Variants in PLEKHO1 observed in about 807,000 individuals in gnomAD.
The protein encoded by PLEKHO1 is pleckstrin homology domain containing O1, also known as pleckstrin homology domain-containing family O member 1.
PLEKHO1 carries 22 observed loss-of-function variants against 41.4 expected under a neutral mutation model. The ratio of observed to expected loss-of-function variants is 0.53; its 90% CI spans 0.38 to 0.76. PLEKHO1 has a LOEUF of 0.76. Among genes scored for constraint, PLEKHO1 ranks in the 30% least tolerant of loss-of-function variants. The pLI is 0.00. For missense variants in PLEKHO1, 488 were observed against 518.3 expected (o/e 0.94, Z 0.57); for synonymous variants, 225 against 210.8 (o/e 1.07, Z -0.58).
At chr1:150,156,300 C>T in intron 3 of PLEKHO1, 94 bp downstream of exon 3, 1 of 1,088,856 alleles carries the variant, frequency 9.2e-7, no homozygotes, top group Non-Finnish European at 1.3e-6. Flanking sequence ...TCTCAGCAAT[C>T]TTGGTTCAGA....
Position 150,159,167 on chromosome 1 carries a change from G to A in PLEKHO1, c.874G>A (p.Glu292Lys). Residue 292 changes from glutamate to lysine, a missense_variant, in exon 6 of 6, where the codon GAG becomes AAG. Glu to Lys is a moderately conservative substitution (Grantham distance 56, BLOSUM62 1). Coordinates refer to ENST00000369124, the MANE Select transcript of PLEKHO1 (RefSeq NM_016274.6). Reference sequence around the variant, plus strand: ...TGCCCGCACCCTCCAGCTGCGGGCTGAGGAACCCCCAACCCCTGCCCTCCC... The same window carrying A: ...TGCCCGCACCCTCCAGCTGCGGGCTAAGGAACCCCCAACCCCTGCCCTCCC... ...ASARTLQLRAEEPPTPALPNP... is the reference protein window; with the variant it reads ...ASARTLQLRAKEPPTPALPNP... 2 of 1,611,496 alleles carry A rather than the reference G, an allele frequency of 1.2e-6. No homozygotes were observed. The highest frequency in any genetic ancestry group is 1.1e-5 in the South Asian group (1 of 90,990).
At chr1:150,157,062 G>C (rs782087809) in intron 4 of PLEKHO1, 47 bp downstream of exon 4, 1 of 1,192,450 alleles carries the variant, frequency 8.4e-7, no homozygotes, top group South Asian at 1.2e-5. Flanking sequence ...GGGGCAGAGG[G>C]AACAGCTGTG....
chr1:150,157,159 A>T, intron 4 of PLEKHO1, 144 bp downstream of exon 4: 2 of 697,750 alleles, frequency 2.9e-6, no homozygotes, highest in South Asian at 3.1e-5. Flanking sequence ...AAAAGCCCTG[A>T]TCTCTTTCTA....
chr1:150,154,796 C>T (rs1553819984), intron 2 of PLEKHO1: 1 of 152,180 alleles, frequency 6.6e-6, no homozygotes, highest in Non-Finnish European at 1.5e-5. Flanking sequence ...TCCAGGAAAA[C>T]GTGACCAGGT....
Position 150,159,452 on chromosome 1 carries a change from G to C in PLEKHO1, c.1159G>C (p.Asp387His). The part of the protein sequence containing the change: ...RELRDLYRQM[D>H]LQTPDSHLRQ... ...GCTGAGAGACCTGTACAGACAGATG[G>C]ACCTGCAGACCCCGGACTCCCACCT... The change falls in exon 6 of 6, where the codon GAC (aspartate) becomes CAC (histidine). Residue 387 changes from aspartate to histidine, a missense_variant. Asp to His is a moderately conservative substitution (Grantham distance 81). Around this residue, in one of 3 missense-constraint regions of PLEKHO1, gnomAD observed 337 missense variants for 324.6 expected, o/e 1.04. Coordinates refer to ENST00000369124, the MANE Select transcript of PLEKHO1 (RefSeq NM_016274.6). The C allele has an allele frequency of 6.2e-7, 1 of 1,614,072 alleles. No individual in the cohort carries two copies. Among genetic ancestry groups the C allele is most frequent in the Non-Finnish European group, 8.5e-7 (1 of 1,179,996 alleles).
At chr1:150,157,823 C>T (rs1660238707) in intron 5 of PLEKHO1, among the ~76,000 whole-genome samples, 2 of 152,180 alleles carry the variant, frequency 1.3e-5, no homozygotes, top group African/African-American at 4.8e-5. Flanking sequence ...GAGAAAGGAT[C>T]ACAATGAACT....
rs1553821353 is a variant in PLEKHO1 at position 150,159,108 on chromosome 1, TGGA to T, written c.820_822del (p.Glu274del). On this transcript the variant is annotated inframe_deletion, in exon 6 of 6. Coordinates refer to ENST00000369124, the MANE Select transcript of PLEKHO1 (RefSeq NM_016274.6). ...ACAGAGAAAGGCCGCTGCGCCTCCC[TGGA>T]GGAGATCCTATCTCAGCGGGATGCT... is the stretch of plus-strand genomic sequence containing the variant. The T allele has an allele frequency of 1.9e-6, 3 of 1,611,036 alleles. No individual in the cohort carries two copies. The East Asian group carries it at 6.7e-5, about 36-fold the overall frequency.
chr1:150,150,682 C>A (rs1659867626), intron 1 of PLEKHO1: 2 of 513,762 alleles, frequency 3.9e-6, no homozygotes, highest in Non-Finnish European at 7.0e-6. Context: ...GGCCGGCGCC[C>A]CTGCCACTTG....
rs1660365942 is a variant in PLEKHO1, at chr1:150,159,887, G to A, written c.*364G>A. ...TGGGCTTCTAAGCTTAGAGCGGGAGGGGGATGAGGATGTTTTCTGTTATGT... is the reference window on the plus strand; with the variant it reads ...TGGGCTTCTAAGCTTAGAGCGGGAGAGGGATGAGGATGTTTTCTGTTATGT... On this transcript the variant is annotated 3_prime_UTR_variant, in exon 6 of 6. Coordinates refer to ENST00000369124, the MANE Select transcript of PLEKHO1 (RefSeq NM_016274.6). The A allele has an allele frequency of 1.1e-5, 2 of 183,120 alleles. No individual in the cohort carries two copies. Among genetic ancestry groups the A allele is most frequent in the East Asian group, 1.4e-4 (1 of 7,064 alleles). The allele number at this position is 183,120 out of a possible 1,614,324, so 11.3% of individuals were successfully genotyped here.
intron 1 of PLEKHO1, 65 bp downstream of exon 1, chr1:150,150,352 G>GA: frequency 1.2e-6 from 1 of 817,066 alleles, no homozygotes; most frequent in Non-Finnish European, 1.5e-6. Context: ...CCGCTCCGTC[G>GA]GCGCCGCGGC....
At chr1:150,152,926 G>A (rs1436167483) in intron 2 of PLEKHO1, 2 of 152,200 alleles carry the variant, frequency 1.3e-5, no homozygotes, top group Non-Finnish European at 2.9e-5. Flanking sequence ...TACAGAGACA[G>A]AGGAAAGGAT....
rs186036853 is a variant in PLEKHO1, at chr1:150,156,068, A to G, written c.180A>G (p.Val60=). The G allele has an allele frequency of 5.0e-5, 81 of 1,612,916 alleles. No homozygotes were observed. Among genetic ancestry groups the G allele is most frequent in the Non-Finnish European group, 6.5e-5 (77 of 1,179,086 alleles). The stretch of plus-strand genomic sequence containing the variant: ...ACCTCACCCCAACCCTCCCCTAGGT[A>G]AAAGATGAGAAAAATATTCAAGAGG... ...GDQLYISEKE[V]KDEKNIQEVF... Residue 60 remains valine, a splice_region_variant and synonymous_variant, in exon 3 of 6, where the codon GTA becomes GTG. Transcript: ENST00000369124.
intron 2 of PLEKHO1, 109 bp downstream of exon 2, chr1:150,151,167 C>A (rs1437685850): frequency 6.7e-6 from 8 of 1,188,920 alleles, no homozygotes; most frequent in African/African-American, 1.5e-5. Flanking sequence ...AAGGCAAGTT[C>A]AGTGGTCTCC....
chr1:150,152,438 A>G (rs1266560629), intron 2 of PLEKHO1, among the ~76,000 whole-genome samples: 1 of 152,076 alleles, frequency 6.6e-6, no homozygotes, highest in African/African-American at 2.4e-5. Context: ...AGTAGCTGGG[A>G]CTACAGGTGG....
intron 2 of PLEKHO1, chr1:150,155,778 G>A (rs782019030): frequency 1.6e-4 from 49 of 300,916 alleles, no homozygotes; most frequent in African/African-American, 8.9e-4. Context: ...AGAGTGGGGC[G>A]GTTGGTGAAG....
intron 2 of PLEKHO1, chr1:150,153,758 GA>G (rs1660054419): frequency 6.6e-6 from 1 of 152,224 alleles, no homozygotes; most frequent in African/African-American, 2.4e-5. Flanking sequence ...TAGACCTTAG[GA>G]AGACCTCATG....
chr1:150,152,293 G>A (rs1553819220), intron 2 of PLEKHO1, among the ~76,000 whole-genome samples: 1 of 152,130 alleles, frequency 6.6e-6, no homozygotes, highest in Non-Finnish European at 1.5e-5. Context: ...TAGCAAGTTG[G>A]TGATGGAAAG....
rs1659872921 is a variant in PLEKHO1 at position 150,150,748 on chromosome 1, G to A, written c.31-164G>A. ...AGGGGAGCGGGGGGAGTTCCTCGGA[G>A]TGAAAACCTTTCCGAAGTGGGAGCG... is the stretch of plus-strand genomic sequence containing the variant. On this transcript the variant is annotated intron_variant, in intron 1 of 5. Transcript: ENST00000369124. 3 of 615,372 alleles carry A rather than the reference G, an allele frequency of 4.9e-6. No homozygotes were observed. In the East Asian group the frequency reaches 8.5e-5, roughly 17 times the overall value. The allele number at this position is 615,372 out of a possible 1,614,324, so 38.1% of individuals were successfully genotyped here.
intron 1 of PLEKHO1, 40 bp from the exon 2 acceptor site, chr1:150,150,872 A>AAC: frequency 6.3e-7 from 1 of 1,597,474 alleles, no homozygotes; most frequent in East Asian, 2.2e-5. Flanking sequence ...CGCCGGCTGG[A>AAC]ATCTCCTAAC....
Sources: allele counts gnomAD v4.1 joint callset (sites outside exome capture counted in the v4.1 genomes callset), GRCh38; gene constraint gnomAD v4.1.1; regional missense constraint gnomAD v4.1.1; transcripts MANE v1.5; gene names NCBI Gene and HGNC (gene_info 2026-07-23, HGNC 2026-07-21).